RASGEF1B: variants seen among roughly 807,000 people sequenced by gnomAD.
RASGEF1B encodes ras-GEF domain-containing family member 1B.
In RASGEF1B, 30 loss-of-function variants were observed where a neutral mutation model predicts 65.7. The ratio of observed to expected loss-of-function variants is 0.46; its 90% CI spans 0.34 to 0.62. The LOEUF is 0.62. Ranked by LOEUF, RASGEF1B falls within the 20% of genes least tolerant of loss-of-function variation. RASGEF1B has a pLI of 0.01. For synonymous variants in RASGEF1B, 175 were observed against 194.8 expected (o/e 0.90, Z 0.85); for missense variants, 495 against 580.1 (o/e 0.85, Z 1.51).
At chr4:81,471,571 C>T (rs1414057907) in intron 1 of RASGEF1B, among the ~76,000 whole-genome samples, 199 bp downstream of exon 1, 1 of 152,172 alleles carries the variant, frequency 6.6e-6, no homozygotes, top group Non-Finnish European at 1.5e-5. Flanking sequence ...TCTTGGCGCC[C>T]GCGTTCGCGC....
At position 81,426,770 on chromosome 4, in the gene RASGEF1B, T is replaced by A. The variant is rs1294508889; in HGVS notation, c.*998A>T. 13 of 152,104 alleles carry A rather than the reference T, an allele frequency of 8.5e-5. No homozygotes were observed. The highest frequency in any genetic ancestry group is 3.1e-4 in the African/African-American group (13 of 41,434). The allele number at this position is 152,104 out of a possible 1,614,324, so 9.4% of individuals were successfully genotyped here. A position where few individuals can be genotyped will look rare whatever the true frequency, so the allele number is the denominator to read the frequency against. On this transcript the variant is annotated 3_prime_UTR_variant, in exon 14 of 14. Coordinates refer to ENST00000264400, the MANE Select transcript of RASGEF1B (RefSeq NM_152545.3). Reference sequence around the variant, plus strand: ...TTCTCCAATTTATTCTTTGTTGACATCTTTAGTTACCAACAGACTCCCAAA... The same window carrying A: ...TTCTCCAATTTATTCTTTGTTGACAACTTTAGTTACCAACAGACTCCCAAA...
intron 4 of RASGEF1B, chr4:81,455,069 CA>C (rs1722395025): frequency 6.6e-6 from 1 of 152,302 alleles, no homozygotes; most frequent in Non-Finnish European, 1.5e-5. Flanking sequence ...AACATAGCCC[CA>C]AAGTTCTTCA....
In RASGEF1B at chr4:81,427,751, C is replaced by A. The variant is rs369254693; in HGVS notation, c.*17G>T. 14 of 1,613,762 alleles carry A rather than the reference C, an allele frequency of 8.7e-6. No individual in the cohort carries two copies. In the African/African-American group the frequency reaches 1.9e-4, roughly 22 times the overall value. On this transcript the variant is annotated 3_prime_UTR_variant, in exon 14 of 14. Coordinates refer to ENST00000264400, the MANE Select transcript of RASGEF1B (RefSeq NM_152545.3). ...TGCAGGAAGCAGCAGCAGCAGCAGGCAGGCAGCTCCCATGTGTTAAACTCT... is the reference window on the plus strand; with the variant it reads ...TGCAGGAAGCAGCAGCAGCAGCAGGAAGGCAGCTCCCATGTGTTAAACTCT...
chr4:81,451,035 A>G (rs968216672), intron 4 of RASGEF1B: 3 of 152,186 alleles, frequency 2.0e-5, no homozygotes. Context: ...CTTCTTGGAG[A>G]TACTTAATTA....
At chr4:81,432,409 C>T (rs1260624616) in intron 12 of RASGEF1B, 38 bp from the exon 13 acceptor site, 1 of 1,328,956 alleles carries the variant, frequency 7.5e-7, no homozygotes, top group Non-Finnish European at 1.1e-6. Flanking sequence ...AACATTAAAG[C>T]CTTCTCCTGA....
chr4:81,434,618 AT>A lies in RASGEF1B; in HGVS notation c.1200+20del. On this transcript the variant is annotated intron_variant, in intron 11 of 13. Coordinates refer to ENST00000264400, the MANE Select transcript of RASGEF1B (RefSeq NM_152545.3). ...CCTCTCCTTGTGCTTGGATTTTTGT[AT>A]CCTACTTTATCACACTCACCTCAAA... The A allele has an allele frequency of 6.9e-7, 1 of 1,450,828 alleles. No individual in the cohort carries two copies. The highest frequency in any genetic ancestry group is 9.7e-7 in the Non-Finnish European group (1 of 1,031,192). The allele number at this position is 1,450,828 out of a possible 1,614,324, so 89.9% of individuals were successfully genotyped here.
chr4:81,436,850 A>C (rs1301410265), intron 10 of RASGEF1B, among the ~76,000 whole-genome samples: 1 of 152,182 alleles, frequency 6.6e-6, no homozygotes, highest in African/African-American at 2.4e-5. Context: ...TGTTTCATTG[A>C]TTTCTGAAAA....
chr4:81,450,848 G>C (rs1476315268), intron 4 of RASGEF1B: 3 of 152,174 alleles, frequency 2.0e-5, no homozygotes, highest in Non-Finnish European at 4.4e-5. Flanking sequence ...GGGTAACAAA[G>C]TGAGAATCTG....
At chr4:81,429,821 C>G (rs1049680271) in intron 13 of RASGEF1B, among the ~76,000 whole-genome samples, 1 of 151,970 alleles carries the variant, frequency 6.6e-6, no homozygotes, top group Non-Finnish European at 1.5e-5. Flanking sequence ...GGCTGGTCGT[C>G]GAGAGGACAC....
chr4:81,435,830 G>C (rs1204936364), intron 10 of RASGEF1B, among the ~76,000 whole-genome samples: 2 of 145,066 alleles, frequency 1.4e-5, no homozygotes, highest in Non-Finnish European at 3.0e-5. Context: ...ACCCTGGCTG[G>C]AGTACGGTGG....
intron 9 of RASGEF1B, among the ~76,000 whole-genome samples, chr4:81,441,540 ATTT>A (rs552908407): frequency 6.4e-4 from 85 of 133,804 alleles, no homozygotes; most frequent in Middle Eastern, 3.8e-3. Flanking sequence ...CTTGCACGCG[ATTT>A]TTTTTTTTTT....
intron 4 of RASGEF1B, among the ~76,000 whole-genome samples, chr4:81,450,064 GGTTATCA>G (rs1413276762): frequency 1.3e-5 from 2 of 152,122 alleles, no homozygotes; most frequent in Non-Finnish European, 2.9e-5. Context: ...ACAGCACTAA[GGTTATCA>G]GTTTAGAAAA....
At chr4:81,466,753 C>T (rs1177728520) in intron 1 of RASGEF1B, among the ~76,000 whole-genome samples, 7 of 15,726 alleles carry the variant, frequency 4.5e-4, no homozygotes, top group African/African-American at 1.6e-3. Flanking sequence ...AGCAAGCCTC[C>T]ATGTCAAAAA....
chr4:81,438,130 G>A (rs918281305), intron 10 of RASGEF1B, among the ~76,000 whole-genome samples: 3 of 152,092 alleles, frequency 2.0e-5, no homozygotes, highest in Non-Finnish European at 2.9e-5. Context: ...GAGCAGAATT[G>A]GAATGGCAAG....
chr4:81,438,534 A>G (rs1329452650), intron 10 of RASGEF1B, among the ~76,000 whole-genome samples: 1 of 152,240 alleles, frequency 6.6e-6, no homozygotes, highest in Non-Finnish European at 1.5e-5. Flanking sequence ...GTAAAAAGAG[A>G]TGGCATTTTT....
intron 8 of RASGEF1B, 99 bp from the exon 9 acceptor site, chr4:81,442,475 T>G: frequency 1.4e-6 from 1 of 724,672 alleles, no homozygotes; most frequent in East Asian, 2.6e-5. Context: ...CATTACTAAG[T>G]GAGAATTCTA....
At chr4:81,445,503 T>G (rs200328499) in intron 8 of RASGEF1B, 23 bp downstream of exon 8, 2 of 1,476,884 alleles carry the variant, frequency 1.4e-6, no homozygotes, top group Admixed American at 1.7e-5. Flanking sequence ...ATAAACGACA[T>G]GTATCCTCCA....
chr4:81,434,372 T>C (rs990623755), intron 11 of RASGEF1B, among the ~76,000 whole-genome samples: 2 of 152,214 alleles, frequency 1.3e-5, no homozygotes, highest in Admixed American at 1.3e-4. Context: ...ATCTTCTGAA[T>C]TAAATAGTTT....
intron 6 of RASGEF1B, among the ~76,000 whole-genome samples, chr4:81,446,808 G>C (rs1578625005): frequency 1.3e-5 from 2 of 152,154 alleles, no homozygotes; most frequent in African/African-American, 4.8e-5. Flanking sequence ...GCCTTCTACT[G>C]CAAAACAAAT....
Sources: allele counts gnomAD v4.1 joint callset (sites outside exome capture counted in the v4.1 genomes callset), GRCh38; gene constraint gnomAD v4.1.1; transcripts MANE v1.5; gene names NCBI Gene and HGNC (gene_info 2026-07-23, HGNC 2026-07-21).